The following BCAR3 variants were observed in gnomAD, a reference collection of about 807,000 sequenced individuals.
BCAR3 encodes BCAR3 adaptor protein, NSP family member.
In BCAR3, 37 loss-of-function variants were observed where a neutral mutation model predicts 80.1. That is an observed-to-expected ratio of 0.46 (90% CI 0.36 to 0.61). The LOEUF (loss-of-function observed/expected upper bound fraction) is 0.61. Ranked by LOEUF, BCAR3 falls within the 20% of genes least tolerant of loss-of-function variation. The pLI, the probability that BCAR3 is intolerant of heterozygous loss-of-function variation, is 0.00. For synonymous variants in BCAR3, 389 were observed against 418.9 expected, an observed-to-expected ratio of 0.93 and a Z score of 0.87; for missense variants, 978 against 1,068.2, an observed-to-expected ratio of 0.92 and a Z score of 1.18.
At chr1:93,638,695 G>A (rs1382069270) in intron 3 of BCAR3, among the ~76,000 whole-genome samples, 3 of 152,202 alleles carry the variant, frequency 2.0e-5, no homozygotes, top group Non-Finnish European at 4.4e-5. Flanking sequence ...CAGGAGGAAG[G>A]TGGAGCCACT....
intron 2 of BCAR3, among the ~76,000 whole-genome samples, chr1:93,760,531 T>C (rs754931611): frequency 6.6e-6 from 1 of 151,908 alleles, no homozygotes; most frequent in Non-Finnish European, 1.5e-5. Context: ...AAAGATAAAT[T>C]TGAGAAATCA....
intron 1 of BCAR3, among the ~76,000 whole-genome samples, chr1:93,678,616 C>T (rs551544288): frequency 3.9e-5 from 6 of 152,176 alleles, no homozygotes; most frequent in Non-Finnish European, 5.9e-5. Context: ...GGAATCCAAC[C>T]TATACAAACA....
chr1:93,744,629 A>T (rs1651290256), intron 2 of BCAR3, among the ~76,000 whole-genome samples: 1 of 152,210 alleles, frequency 6.6e-6, no homozygotes, highest in Non-Finnish European at 1.5e-5. Context: ...TCTCAGGCAC[A>T]TCCCATGAAA....
At chr1:93,714,644 C>T (rs368535846) in intron 2 of BCAR3, among the ~76,000 whole-genome samples, 146 of 152,232 alleles carry the variant, frequency 9.6e-4, no homozygotes, top group African/African-American at 3.3e-3. Flanking sequence ...GTATTTTCAG[C>T]CTCCAGTGTG....
rs35780346 is a variant in BCAR3, at chr1:93,564,290, CTTTT to C, written c.2300-1875_2300-1872del. 1.8e-3 allele frequency among the ~76,000 whole-genome samples: 182 copies of C among 103,700 alleles called. 1 individual carries two copies. Among genetic ancestry groups the C allele is most frequent in the Middle Eastern group, 5.5e-3 (1 of 182 alleles). 68.0% of individuals were successfully genotyped at this position (103,700 alleles called of 152,430 possible). ...TTGTGTCCTAAGAATTTCTTTCTTT[CTTTT>C]TTTTTTTTTTTTTTTTTGAGATGGA... On this transcript the variant is annotated intron_variant, in intron 11 of 11. Transcript: ENST00000260502.
chr1:93,646,299 G>A (rs1676145433), intron 2 of BCAR3, among the ~76,000 whole-genome samples: 1 of 152,040 alleles, frequency 6.6e-6, no homozygotes, highest in Admixed American at 6.6e-5. Flanking sequence ...TAATAAATAA[G>A]GTGGCTTTAA....
At chr1:93,659,366 A>AT (rs1052672834) in intron 2 of BCAR3, among the ~76,000 whole-genome samples, 19 of 151,266 alleles carry the variant, frequency 1.3e-4, no homozygotes, top group African/African-American at 2.4e-5. Flanking sequence ...TTTATTTTTT[A>AT]TTTTTTTGTA....
chr1:93,754,969 G>T (rs1203906365), intron 2 of BCAR3, among the ~76,000 whole-genome samples: 3 of 152,134 alleles, frequency 2.0e-5, no homozygotes. Context: ...CTTCCAGTGG[G>T]ACAAGATGTG....
rs578231462 is a variant in BCAR3 at position 93,730,251 on chromosome 1, G to A, written c.-62-24109C>T. ...TGGCTCACTCCTGCCCATCCTTCAC[G>A]TCCACAGAGAGGCCTTCACTGACTC... On this transcript the variant is annotated intron_variant, in intron 2 of 13. Transcript: ENST00000370244. Among the ~76,000 whole-genome samples, 4 of 151,908 alleles carry A rather than the reference G, an allele frequency of 2.6e-5. No homozygotes were observed. In the South Asian group the frequency reaches 6.3e-4, roughly 24 times the overall value.
At chr1:93,634,221 G>A (rs562188635) in intron 3 of BCAR3, among the ~76,000 whole-genome samples, 2 of 152,240 alleles carry the variant, frequency 1.3e-5, no homozygotes, top group East Asian at 1.9e-4. Context: ...TTCACTCAAC[G>A]TAATGTATTC....
chr1:93,624,133 C>T (rs1675390783), intron 3 of BCAR3, among the ~76,000 whole-genome samples: 1 of 152,166 alleles, frequency 6.6e-6, no homozygotes, highest in Non-Finnish European at 1.5e-5. Context: ...CACCTCCCAG[C>T]CAGGGGAAAG....
chr1:93,689,832 C>T (rs1649108907), intron 3 of BCAR3, among the ~76,000 whole-genome samples: 1 of 152,116 alleles, frequency 6.6e-6, no homozygotes, highest in Admixed American at 6.6e-5. Context: ...ATGCAGGGAA[C>T]AGAAAGCATT....
intron 3 of BCAR3, among the ~76,000 whole-genome samples, chr1:93,622,148 C>T (rs1185459840): frequency 6.6e-6 from 1 of 152,110 alleles, no homozygotes; most frequent in Non-Finnish European, 1.5e-5. Context: ...ACTCACCCTC[C>T]TAGGCCTCCC....
At chr1:93,831,525 C>T (rs1288084368) in intron 2 of BCAR3, among the ~76,000 whole-genome samples, 1 of 152,140 alleles carries the variant, frequency 6.6e-6, no homozygotes, top group Non-Finnish European at 1.5e-5. Context: ...GTCTGAGGTG[C>T]CTGATGTCCA....
intron 3 of BCAR3, among the ~76,000 whole-genome samples, chr1:93,595,233 C>T (rs1211411700): frequency 2.0e-5 from 3 of 152,122 alleles, no homozygotes; most frequent in African/African-American, 7.2e-5. Flanking sequence ...AAAAACTATG[C>T]CTTTAAGCTC....
upstream of BCAR3, among the ~76,000 whole-genome samples, chr1:93,682,780 T>C (rs1447517251): frequency 6.6e-6 from 1 of 152,198 alleles, no homozygotes; most frequent in East Asian, 1.9e-4. Flanking sequence ...CTCGAACTCC[T>C]GACCTCAGGT....
At chr1:93,808,564 G>A (rs12079584) in intron 2 of BCAR3, among the ~76,000 whole-genome samples, 26,429 of 152,116 alleles carry the variant, frequency 0.17, 3,268 homozygotes, top group African/African-American at 0.34. Flanking sequence ...TGTGAATTCT[G>A]AACATTGAGA....
At chr1:93,567,055 G>C (rs1672981833) in intron 11 of BCAR3, among the ~76,000 whole-genome samples, 1 of 152,110 alleles carries the variant, frequency 6.6e-6, no homozygotes, top group Non-Finnish European at 1.5e-5. Flanking sequence ...CCTTCTCTCT[G>C]TTTATTCTAT....
intron 2 of BCAR3, among the ~76,000 whole-genome samples, chr1:93,769,360 T>TGTGC (rs1433728508): frequency 1.4e-5 from 1 of 72,868 alleles, no homozygotes; most frequent in Non-Finnish European, 2.6e-5. Context: ...TAGGAATGTG[T>TGTGC]GTGTGTGTGT....
Sources: allele counts gnomAD v4.1 joint callset (sites outside exome capture counted in the v4.1 genomes callset), GRCh38; gene constraint gnomAD v4.1.1; transcripts MANE v1.5; gene names NCBI Gene and HGNC (gene_info 2026-07-23, HGNC 2026-07-21).